The following STK4 variants were observed in gnomAD, a reference collection of about 807,000 sequenced individuals.
The protein encoded by STK4 is serine/threonine-protein kinase 4.
STK4 carries 30 observed loss-of-function variants against 64.9 expected under a neutral mutation model. The observed-to-expected ratio is 0.46, with a 90% CI of 0.35 to 0.63. The LOEUF (loss-of-function observed/expected upper bound fraction) is 0.63, where lower values mean the gene tolerates loss of function less well. Among genes scored for constraint, STK4 ranks in the 20% least tolerant of loss-of-function variants. The probability of loss-of-function intolerance (pLI) is 0.01; values close to 1 mark genes in which losing one functional copy is unlikely to be tolerated. For synonymous variants in STK4, 177 were observed against 199.0 expected, an observed-to-expected ratio of 0.89 and a Z score of 0.93; for missense variants, 466 against 598.5, an observed-to-expected ratio of 0.78 and a Z score of 2.31.
intron 5 of STK4, among the ~76,000 whole-genome samples, chr20:44,989,012 A>C (rs924526508): frequency 2.1e-4 from 32 of 151,938 alleles, no homozygotes; most frequent in African/African-American, 7.3e-4. Context: ...GCTGTAACAC[A>C]TTTTGTTTAC....
rs558551362 is a variant in STK4, at chr20:44,976,842, G to A, written c.117-1601G>A. On this transcript the variant is annotated intron_variant, in intron 2 of 10. Transcript: ENST00000372806. ...CTGGGTAATTCTCGTAGTCTCAAAT[G>A]GCTGCATTAGTTTCAAGCATCATCC... 1.8e-4 allele frequency among the ~76,000 whole-genome samples: 28 copies of A among 152,322 alleles called. 1 individual carries two copies. In the South Asian group the frequency reaches 5.6e-3, roughly 30 times the overall value.
rs1212741246 is a variant in STK4, at chr20:45,017,193, T to C, written c.1148-7780T>C. Among the ~76,000 whole-genome samples the C allele has an allele frequency of 2.6e-5, 4 of 152,318 alleles. No individual in the cohort carries two copies. In the East Asian group the frequency reaches 5.8e-4, roughly 22 times the overall value. On this transcript the variant is annotated intron_variant, in intron 9 of 10. Coordinates refer to ENST00000372806, the MANE Select transcript of STK4 (RefSeq NM_006282.5). ...GGCATTCACTGCTTTCAGTAACTTA[T>C]ATATTAAAAGGGGAAGATGACATTT...
chr20:44,969,029 C>G (rs2145623819), intron 1 of STK4, among the ~76,000 whole-genome samples: 1 of 152,248 alleles, frequency 6.6e-6, no homozygotes, highest in Non-Finnish European at 1.5e-5. Context: ...CCCTGTGTCT[C>G]CATGTTCTTC....
At chr20:45,016,304 C>T (rs558009632) in intron 9 of STK4, among the ~76,000 whole-genome samples, 4 of 152,316 alleles carry the variant, frequency 2.6e-5, no homozygotes, top group Admixed American at 2.6e-4. Flanking sequence ...AGCCTCTTAT[C>T]TTAATACAGT....
intron 9 of STK4, among the ~76,000 whole-genome samples, chr20:45,023,433 C>T (rs999406785): frequency 2.0e-5 from 3 of 152,174 alleles, no homozygotes; most frequent in African/African-American, 7.2e-5. Flanking sequence ...GAGAGAAACA[C>T]TTGCTGTTCT....
chr20:44,995,281 G>C, intron 6 of STK4, 24 bp downstream of exon 6: 2 of 1,595,432 alleles, frequency 1.3e-6, no homozygotes, highest in South Asian at 1.1e-5. Context: ...CAGAAAGCCA[G>C]TGGGGTGGTT....
At position 45,047,267 on chromosome 20, in the gene STK4, G is replaced by C. The variant is rs73300588; in HGVS notation, c.1305+22137G>C. Among the ~76,000 whole-genome samples the C allele has an allele frequency of 4.6e-5, 7 of 152,164 alleles. No homozygotes were observed. In the South Asian group the frequency reaches 1.4e-3, roughly 32 times the overall value. ...ACTTATTTGACAGAGAGGCTTTGAG[G>C]CGCTAGGTGACAAGAGATGCTAGGT... On this transcript the variant is annotated intron_variant, in intron 10 of 10. Coordinates refer to ENST00000372806, the MANE Select transcript of STK4 (RefSeq NM_006282.5).
chr20:45,024,998 G>T lies in STK4; in HGVS notation c.1173G>T (p.Ala391=). The change falls in exon 10 of 11, where the codon GCG becomes GCT. Residue 391 remains alanine (A), a synonymous_variant. Coordinates refer to ENST00000372806, the MANE Select transcript of STK4 (RefSeq NM_006282.5). The stretch of plus-strand genomic sequence containing the variant: ...GAAGGGATGAGACCATGCAGCCTGC[G>T]AAACCATCCTTTCTTGAATATTTTG... The part of the protein sequence containing the change: ...MKRRDETMQP[A]KPSFLEYFEQ... 1 of 1,610,886 alleles carries T rather than the reference G, an allele frequency of 6.2e-7. No homozygotes were observed.
At chr20:45,034,517 C>G (rs1306997438) in intron 10 of STK4, among the ~76,000 whole-genome samples, 1 of 152,026 alleles carries the variant, frequency 6.6e-6, no homozygotes, top group Non-Finnish European at 1.5e-5. Flanking sequence ...TAAAAATATG[C>G]AAGATACTTT....
intron 10 of STK4, among the ~76,000 whole-genome samples, chr20:45,036,377 A>G (rs2068527646): frequency 6.6e-6 from 1 of 152,160 alleles, no homozygotes; most frequent in East Asian, 1.9e-4. Flanking sequence ...CCCTTTGTCC[A>G]GCATATCTGT....
At chr20:44,979,292 CT>C (rs1325690662) in intron 3 of STK4, among the ~76,000 whole-genome samples, 2 of 151,826 alleles carry the variant, frequency 1.3e-5, no homozygotes, top group Admixed American at 1.3e-4. Flanking sequence ...TCAGGTAAAT[CT>C]ATAAAAAAAG....
At chr20:45,070,611 C>T (rs186438650) in intron 10 of STK4, among the ~76,000 whole-genome samples, 4 of 152,224 alleles carry the variant, frequency 2.6e-5, no homozygotes, top group East Asian at 3.9e-4. Context: ...ATTCTATTAG[C>T]GTGGTGGCTC....
At chr20:45,031,894 G>A (rs1033276782) in intron 10 of STK4, among the ~76,000 whole-genome samples, 20 of 110,830 alleles carry the variant, frequency 1.8e-4, no homozygotes, top group Non-Finnish European at 3.2e-4. Context: ...GACACAGCGA[G>A]ACTTCATCTC....
chr20:45,026,015 G>A (rs1319577240), intron 10 of STK4, among the ~76,000 whole-genome samples: 2 of 152,072 alleles, frequency 1.3e-5, no homozygotes, highest in Non-Finnish European at 1.5e-5. Flanking sequence ...GAGATCCTTT[G>A]AGGACCAGAA....
At chr20:44,999,279 G>C (rs988018220) in intron 7 of STK4, among the ~76,000 whole-genome samples, 5 of 152,146 alleles carry the variant, frequency 3.3e-5, no homozygotes, top group Non-Finnish European at 7.3e-5. Flanking sequence ...AAATGAGCTG[G>C]GTCTTATTTC....
intron 10 of STK4, among the ~76,000 whole-genome samples, chr20:45,068,112 G>A (rs907056567): frequency 1.3e-5 from 2 of 152,190 alleles, no homozygotes; most frequent in Non-Finnish European, 2.9e-5. Context: ...CACAACCGCT[G>A]TTGTAGAACG....
chr20:45,013,728 G>T (rs1484396846), intron 9 of STK4, among the ~76,000 whole-genome samples: 2 of 151,992 alleles, frequency 1.3e-5, no homozygotes, highest in East Asian at 1.9e-4. Context: ...TTTGGTGCAG[G>T]AATCTGTAAT....
intron 10 of STK4, among the ~76,000 whole-genome samples, chr20:45,062,223 A>G (rs1979097181): frequency 6.6e-6 from 1 of 152,180 alleles, no homozygotes; most frequent in African/African-American, 2.4e-5. Flanking sequence ...GCTTAAGATA[A>G]TGGCCTCCAA....
At chr20:44,984,423 C>T (rs373190799) in intron 4 of STK4, among the ~76,000 whole-genome samples, 2 of 151,942 alleles carry the variant, frequency 1.3e-5, no homozygotes, top group Non-Finnish European at 1.5e-5. Flanking sequence ...AGGATGGTCT[C>T]GATTTCCTGA....
Sources: gnomAD v4.1 joint callset for allele counts (sites outside exome capture counted in the v4.1 genomes callset) on GRCh38, gnomAD v4.1.1 for gene constraint, MANE v1.5 for transcripts, NCBI Gene and HGNC (gene_info 2026-07-23, HGNC 2026-07-21) for gene names.